ATP11A: variants seen among roughly 807,000 people sequenced by gnomAD.
ATP11A encodes ATPase phospholipid transporting 11A, also known as phospholipid-transporting ATPase IH.
ATP11A carries 81 observed loss-of-function variants against 154.4 expected under a neutral mutation model. That is an observed-to-expected ratio of 0.52 (90% CI 0.44 to 0.63). The LOEUF is 0.63. Among genes scored for constraint, ATP11A ranks in the 30% least tolerant of loss-of-function variants. The pLI, the probability that ATP11A is intolerant of heterozygous loss-of-function variation, is 0.00. For missense variants in ATP11A, 1,316 were observed against 1,474.3 expected, an observed-to-expected ratio of 0.89 and a Z score of 1.76; for synonymous variants, 623 against 585.9, an observed-to-expected ratio of 1.06 and a Z score of -0.91.
intron 1 of ATP11A, among the ~76,000 whole-genome samples, chr13:112,714,314 C>T (rs1412402424): frequency 6.6e-6 from 1 of 152,082 alleles, no homozygotes; most frequent in African/African-American, 2.4e-5. Flanking sequence ...TCTCCATCTC[C>T]TGGTCTGGGG....
At chr13:112,869,977 C>G (rs2080461080) in intron 25 of ATP11A, among the ~76,000 whole-genome samples, 1 of 152,280 alleles carries the variant, frequency 6.6e-6, no homozygotes, top group South Asian at 2.1e-4. Flanking sequence ...GCCCCTCCAC[C>G]CCCCCATCCA....
chr13:112,851,421 A>C (rs1488768143), intron 18 of ATP11A: 1 of 466,786 alleles, frequency 2.1e-6, no homozygotes, highest in East Asian at 3.1e-5. Context: ...TTTGTTGTCC[A>C]TGAAGAAGAT....
chr13:112,880,566 TC>T, intron 29 of ATP11A: 1 of 1,300,056 alleles, frequency 7.7e-7, no homozygotes. Flanking sequence ...AGCACAAGGC[TC>T]CAGTCCAGGC....
At position 112,785,049 on chromosome 13, in the gene ATP11A, C is replaced by T. The variant is rs1015555874; in HGVS notation, c.40-86C>T. ...CAGCAGGTACAGGTCTCCGTTCCGA[C>T]GAACGTGCCTCAAGGCAACACTCTG... On this transcript the variant is annotated intron_variant, in intron 1 of 29. Transcript: ENST00000375645. This position sits in a 1 kb window ranked among gnomAD's most constrained non-coding sequence, Gnocchi z 4.8. 4.6e-5 allele frequency: 63 copies of T among 1,357,520 alleles called. No individual in the cohort carries two copies. In the African/African-American group the frequency reaches 8.6e-4, roughly 18 times the overall value. The allele number at this position is 1,357,520 out of a possible 1,614,324, so 84.1% of individuals were successfully genotyped here.
chr13:112,757,374 C>T (rs1033743057), intron 1 of ATP11A, among the ~76,000 whole-genome samples: 4 of 152,256 alleles, frequency 2.6e-5, no homozygotes, highest in Non-Finnish European at 5.9e-5. Context: ...TGTGTTTAAT[C>T]CACTTGTTTT....
chr13:112,699,604 C>T (rs1886272558), intron 1 of ATP11A, among the ~76,000 whole-genome samples: 1 of 152,210 alleles, frequency 6.6e-6, no homozygotes, highest in Non-Finnish European at 1.5e-5. Flanking sequence ...AGACAGGTTG[C>T]TGCGGGCAAG....
intron 2 of ATP11A, among the ~76,000 whole-genome samples, chr13:112,787,083 C>T (rs2077653742): frequency 7.2e-6 from 1 of 138,406 alleles, no homozygotes; most frequent in Non-Finnish European, 1.5e-5. Flanking sequence ...GCGTAGACCC[C>T]TGTGGAGACC....
At chr13:112,718,415 C>G (rs879584714) in intron 1 of ATP11A, among the ~76,000 whole-genome samples, 2 of 152,188 alleles carry the variant, frequency 1.3e-5, no homozygotes, top group Non-Finnish European at 2.9e-5. Flanking sequence ...ACTCTTCTGT[C>G]TGTTCCAAAC....
intron 1 of ATP11A, among the ~76,000 whole-genome samples, chr13:112,735,653 C>T (rs1258820179): frequency 6.6e-6 from 1 of 152,156 alleles, no homozygotes; most frequent in Admixed American, 6.5e-5. Flanking sequence ...TTCACTCGCG[C>T]AGATAAGAAG....
At chr13:112,781,258 T>C (rs1321364061) in intron 1 of ATP11A, among the ~76,000 whole-genome samples, 1 of 152,072 alleles carries the variant, frequency 6.6e-6, no homozygotes, top group Non-Finnish European at 1.5e-5. Context: ...CAGGCTGGTC[T>C]TGAACTCCTG....
At chr13:112,734,774 G>A (rs1046056261) in intron 1 of ATP11A, among the ~76,000 whole-genome samples, 3 of 152,146 alleles carry the variant, frequency 2.0e-5, no homozygotes, top group Non-Finnish European at 2.9e-5. Context: ...CCTCATAGCC[G>A]CACTTGGGGG....
intron 1 of ATP11A, among the ~76,000 whole-genome samples, chr13:112,716,995 T>C (rs282570): frequency 1 from 151,890 of 152,254 alleles, 75,765 homozygotes; most frequent in Middle Eastern, 1. Flanking sequence ...GCAGACCCAC[T>C]GGCCTGCAGG....
In ATP11A at chr13:112,785,130, C is replaced by A; in HGVS notation, c.40-5C>A. On this transcript the variant is annotated splice_polypyrimidine_tract_variant and splice_region_variant and intron_variant, in intron 1 of 29. Coordinates refer to ENST00000375645, the MANE Select transcript of ATP11A (RefSeq NM_015205.3). The surrounding 1 kb of genome is among the most constrained non-coding windows in gnomAD (Gnocchi z 4.8). The stretch of plus-strand genomic sequence containing the variant: ...AGCTGCCTAACACCGCTCTCCTTTC[C>A]GCAGTGTGCAGGAGAAGAGAATTGG... 4 of 1,487,492 alleles carry A rather than the reference C, an allele frequency of 2.7e-6. No homozygotes were observed. The highest frequency in any genetic ancestry group is 3.6e-6 in the Non-Finnish European group (4 of 1,117,212). The allele number at this position is 1,487,492 out of a possible 1,614,324, so 92.1% of individuals were successfully genotyped here.
intron 25 of ATP11A, among the ~76,000 whole-genome samples, chr13:112,870,238 A>G (rs934871382): frequency 4.6e-5 from 7 of 152,192 alleles, no homozygotes; most frequent in African/African-American, 1.7e-4. Flanking sequence ...TTTTTTCTAT[A>G]ATCTACAAAT....
intron 1 of ATP11A, among the ~76,000 whole-genome samples, chr13:112,718,596 T>G (rs1888775333): frequency 6.6e-6 from 1 of 151,936 alleles, no homozygotes; most frequent in Non-Finnish European, 1.5e-5. Flanking sequence ...CTAACTGCCC[T>G]CGAGAGATTG....
intron 1 of ATP11A, among the ~76,000 whole-genome samples, chr13:112,725,445 G>A (rs1889738134): frequency 6.6e-6 from 1 of 152,184 alleles, no homozygotes; most frequent in African/African-American, 2.4e-5. Context: ...CTGCCACCTG[G>A]GTTTCTCAGC....
intron 2 of ATP11A, among the ~76,000 whole-genome samples, chr13:112,787,827 G>A (rs1322374793): frequency 6.9e-6 from 1 of 144,382 alleles, no homozygotes; most frequent in Non-Finnish European, 1.5e-5. Flanking sequence ...ATTCACACCG[G>A]TGTCCTAATT....
chr13:112,810,694 A>C lies in ATP11A; in HGVS notation c.409A>C (p.Lys137Gln). ...QCPVHFIQHGKLVRKQSRKLR... is the reference protein window; with the variant it reads ...QCPVHFIQHGQLVRKQSRKLR... ...TCCTGTTCATTTCATTCAGCACGGCAAGCTCGTTCGGAAACAAAGTCGAAA... is the reference window on the plus strand; with the variant it reads ...TCCTGTTCATTTCATTCAGCACGGCCAGCTCGTTCGGAAACAAAGTCGAAA... Residue 137 changes from lysine (K) to glutamine (Q), a missense_variant, in exon 5 of 30, where the codon AAG (lysine) becomes CAG (glutamine). Physicochemically the swap from Lys to Gln is moderately conservative, Grantham distance 53 (BLOSUM62 1). Coordinates refer to ENST00000375645, the MANE Select transcript of ATP11A (RefSeq NM_015205.3). The C allele has an allele frequency of 6.2e-7, 1 of 1,614,200 alleles. No homozygotes were observed. The highest frequency in any genetic ancestry group is 8.5e-7 in the Non-Finnish European group (1 of 1,180,024).
Position 112,831,374 on chromosome 13 carries a change from G to A in ATP11A, c.1222-1G>A. On this transcript the variant is annotated splice_acceptor_variant, in intron 12 of 29. Coordinates refer to ENST00000375645, the MANE Select transcript of ATP11A (RefSeq NM_015205.3). LOFTEE classifies it high-confidence loss of function. ...CCTGACTTGCTGTGCCCTGCCCGCA[G>A]GTGGAGTACATCTTCACAGACAAGA... 1.9e-6 allele frequency: 3 copies of A among 1,613,726 alleles called. No individual in the cohort carries two copies. The highest frequency in any genetic ancestry group is 2.5e-6 in the Non-Finnish European group (3 of 1,179,622).
Sources: allele counts gnomAD v4.1 joint callset (sites outside exome capture counted in the v4.1 genomes callset), GRCh38; gene constraint gnomAD v4.1.1; non-coding constraint Gnocchi (gnomAD v3.1); transcripts MANE v1.5; gene names NCBI Gene and HGNC (gene_info 2026-07-23, HGNC 2026-07-21).